The following MAD1L1 variants were observed in gnomAD, a reference collection of about 807,000 sequenced individuals.
MAD1L1 encodes mitotic spindle assembly checkpoint protein MAD1.
MAD1L1 carries 95 observed loss-of-function variants against 96.9 expected under a neutral mutation model. The observed-to-expected ratio is 0.98, with a 90% CI of 0.83 to 1.16. MAD1L1 has a LOEUF of 1.16. Ranked by LOEUF, MAD1L1 falls within the 50% of genes most tolerant of loss-of-function variation. The probability of loss-of-function intolerance (pLI) is 0.00; values close to 1 mark genes in which losing one functional copy is unlikely to be tolerated. For synonymous variants in MAD1L1, 473 were observed against 396.6 expected (o/e 1.19, Z -2.29); for missense variants, 1,007 against 954.4 (o/e 1.06, Z -0.73).
rs535025074 is a variant in MAD1L1 at position 1,867,552 on chromosome 7, A to T, written c.1998+30648T>A. Among the ~76,000 whole-genome samples the T allele has an allele frequency of 3.3e-5, 5 of 152,348 alleles. 1 individual carries two copies. Among genetic ancestry groups the T allele is most frequent in the African/African-American group, 1.2e-4 (5 of 41,580 alleles). On this transcript the variant is annotated intron_variant, in intron 18 of 18. Coordinates refer to ENST00000265854, the MANE Select transcript of MAD1L1 (RefSeq NM_001013836.2). ...TGCAGGTGTGCAGTGAGTAGGAGCG[A>T]GGTGGGCCATGGGGCGCGGAGGCTT...
At chr7:1,866,758 G>A (rs372405614) in intron 18 of MAD1L1, among the ~76,000 whole-genome samples, 4 of 152,326 alleles carry the variant, frequency 2.6e-5, no homozygotes, top group Admixed American at 1.3e-4. Context: ...ACGGGCTGAC[G>A]GGAGCCCTGA....
At chr7:1,822,355 C>T (rs549073058) in intron 18 of MAD1L1, among the ~76,000 whole-genome samples, 1 of 151,090 alleles carries the variant, frequency 6.6e-6, no homozygotes, top group African/African-American at 2.4e-5. Context: ...TGTTTATGAA[C>T]TGGAAGACTT....
chr7:2,023,749 G>C (rs1201703750), intron 12 of MAD1L1, among the ~76,000 whole-genome samples: 3 of 152,152 alleles, frequency 2.0e-5, no homozygotes, highest in African/African-American at 7.2e-5. Flanking sequence ...GGGAGTTCAA[G>C]ACCAGCCTGG....
intron 12 of MAD1L1, among the ~76,000 whole-genome samples, chr7:2,033,637 C>G: frequency 6.6e-6 from 1 of 152,194 alleles, no homozygotes; most frequent in Non-Finnish European, 1.5e-5. Context: ...CATTAAGACC[C>G]GTTCCTCACC....
Position 2,119,032 on chromosome 7 carries a change from G to A in MAD1L1, c.1073+30120C>T, listed in dbSNP as rs571121860. Among the ~76,000 whole-genome samples, 6 of 152,160 alleles carry A rather than the reference G, an allele frequency of 3.9e-5. No homozygotes were observed. Among genetic ancestry groups the A allele is most frequent in the South Asian group, 4.2e-4 (2 of 4,808 alleles). ...GCCCCAGCCTCCAGCCCCACGTGAC[G>A]GTCTGCCTCCCAGACCCCTGCGCGG... is the stretch of plus-strand genomic sequence containing the variant. On this transcript the variant is annotated intron_variant, in intron 11 of 18. Coordinates refer to ENST00000265854, the MANE Select transcript of MAD1L1 (RefSeq NM_001013836.2). This position sits in a 1 kb window ranked among gnomAD's most constrained non-coding sequence, Gnocchi z 4.6.
At chr7:2,172,886 C>A (rs765546270) in intron 10 of MAD1L1, among the ~76,000 whole-genome samples, 1 of 152,196 alleles carries the variant, frequency 6.6e-6, no homozygotes, top group Admixed American at 6.5e-5. Context: ...CTCCTGGGAG[C>A]GTGCACACCG....
intron 18 of MAD1L1, among the ~76,000 whole-genome samples, chr7:1,890,738 C>G (rs1786486530): frequency 6.6e-6 from 1 of 152,312 alleles, no homozygotes; most frequent in South Asian, 2.1e-4. Flanking sequence ...ATCAGCTCTC[C>G]ATCGCTCAGC....
intron 18 of MAD1L1, among the ~76,000 whole-genome samples, chr7:1,863,497 C>T (rs1252562485): frequency 2.6e-5 from 4 of 152,228 alleles, no homozygotes; most frequent in Non-Finnish European, 4.4e-5. Flanking sequence ...AACAAGCCCC[C>T]GCACAGCACG....
intron 18 of MAD1L1, among the ~76,000 whole-genome samples, chr7:1,829,011 G>A (rs906084741): frequency 2.6e-5 from 4 of 152,162 alleles, no homozygotes; most frequent in Admixed American, 6.5e-5. Context: ...GAAACCGTCC[G>A]AGATGAAACA....
At chr7:1,916,823 C>T (rs1430716202) in intron 17 of MAD1L1, among the ~76,000 whole-genome samples, 3 of 152,128 alleles carry the variant, frequency 2.0e-5, no homozygotes, top group Admixed American at 1.3e-4. Flanking sequence ...ATGAACAGCC[C>T]GGGCACCCCC....
intron 10 of MAD1L1, among the ~76,000 whole-genome samples, chr7:2,202,475 A>ATCATGGGCTCCACAAGAGCAGC (rs1792365361): frequency 6.6e-6 from 1 of 152,226 alleles, no homozygotes; most frequent in Non-Finnish European, 1.5e-5. Flanking sequence ...CTCCCTCCAG[A>ATCATGGGCTCCACAAGAGCAGC]TCATGGGCTC....
At chr7:2,074,731 G>C (rs918315234) in intron 11 of MAD1L1, among the ~76,000 whole-genome samples, 1 of 152,260 alleles carries the variant, frequency 6.6e-6, no homozygotes, top group South Asian at 2.1e-4. Context: ...AGAGAAGGGA[G>C]TGTGGAGCTG....
intron 11 of MAD1L1, among the ~76,000 whole-genome samples, chr7:2,131,778 G>C (rs73039204): frequency 0.026 from 4,034 of 152,300 alleles, 92 homozygotes; most frequent in South Asian, 0.069. Flanking sequence ...GCCCGAGCTG[G>C]CTCAGGCTGG....
intron 14 of MAD1L1, among the ~76,000 whole-genome samples, chr7:1,983,289 G>GT (rs1446681249): frequency 6.6e-6 from 1 of 152,192 alleles, no homozygotes; most frequent in East Asian, 1.9e-4. Context: ...AGTGCTCAAA[G>GT]TATCTGCGCT....
intron 1 of MAD1L1, 32 bp downstream of exon 1, chr7:2,232,840 A>C (rs890658420): frequency 2.0e-5 from 3 of 150,394 alleles, no homozygotes; most frequent in East Asian, 2.0e-4. Context: ...GGACCCCGGG[A>C]CCCCGCCGCC....
intron 16 of MAD1L1, among the ~76,000 whole-genome samples, chr7:1,946,009 G>T (rs55864895): frequency 0.034 from 5,152 of 152,244 alleles, 188 homozygotes; most frequent in Admixed American, 0.097. Context: ...CTGCACTGGG[G>T]CCAGGAGGCA....
rs543182641 is a variant in MAD1L1 at position 1,908,364 on chromosome 7, T to C, written c.1808-9974A>G. The stretch of plus-strand genomic sequence containing the variant: ...GCCAGATGCAGAATTCCAGGCTGTA[T>C]ACACTCCTCCTTCAGTTGTGTTTGT... On this transcript the variant is annotated intron_variant, in intron 17 of 18. Transcript: ENST00000265854. Among the ~76,000 whole-genome samples, 9 of 152,308 alleles carry C rather than the reference T, an allele frequency of 5.9e-5. No homozygotes were observed. In the South Asian group the frequency reaches 1.2e-3, roughly 21 times the overall value.
At chr7:1,833,379 T>TA (rs1235146634) in intron 18 of MAD1L1, among the ~76,000 whole-genome samples, 1 of 152,214 alleles carries the variant, frequency 6.6e-6, no homozygotes, top group Non-Finnish European at 1.5e-5. Flanking sequence ...AGCGTCCATT[T>TA]ATATATGAAA....
chr7:1,902,072 G>T (rs777297817), intron 17 of MAD1L1, among the ~76,000 whole-genome samples: 1 of 152,156 alleles, frequency 6.6e-6, no homozygotes, highest in African/African-American at 2.4e-5. Context: ...ATGCAGCGGC[G>T]GCTGCCCAGG....
Sources: gnomAD v4.1 joint callset for allele counts (sites outside exome capture counted in the v4.1 genomes callset) on GRCh38, gnomAD v4.1.1 for gene constraint, Gnocchi (gnomAD v3.1) non-coding constraint, MANE v1.5 for transcripts, NCBI Gene and HGNC (gene_info 2026-07-23, HGNC 2026-07-21) for gene names.